CLASP2: variants seen among roughly 807,000 people sequenced by gnomAD.
CLASP2 encodes CLIP-associating protein 2.
A neutral mutation model predicts 194.4 loss-of-function variants in CLASP2; 47 were observed. That is an observed-to-expected ratio of 0.24 (90% confidence interval 0.19 to 0.31). The LOEUF (loss-of-function observed/expected upper bound fraction) is 0.31. CLASP2 is among the 10% of genes least tolerant of loss of function. The pLI is 1.00. For synonymous variants in CLASP2, 619 were observed against 633.5 expected, an observed-to-expected ratio of 0.98 and a Z score of 0.34; for missense variants, 1,445 against 1,823.6, an observed-to-expected ratio of 0.79 and a Z score of 3.78.
In CLASP2 at chr3:33,496,488, T is replaced by C. The variant is rs930416188; in HGVS notation, c.*2143A>G. 2.6e-5 allele frequency: 4 copies of C among 152,208 alleles called. No homozygotes were observed. The highest frequency in any genetic ancestry group is 4.8e-5 in the African/African-American group (2 of 41,466). 9.4% of individuals were successfully genotyped at this position (152,208 alleles called of 1,614,324 possible). A position where few individuals can be genotyped will look rare whatever the true frequency, so the allele number is the denominator to read the frequency against. On this transcript the variant is annotated 3_prime_UTR_variant, in exon 39 of 39. Transcript: ENST00000682230. ...GTCTTATCAACTGAGATTATAAAAT[T>C]GTAAACACAATTTTTCCATGTTTAC... is the stretch of plus-strand genomic sequence containing the variant.
chr3:33,686,101 T>C (rs957887098), intron 5 of CLASP2, among the ~76,000 whole-genome samples: 7 of 152,098 alleles, frequency 4.6e-5, no homozygotes, highest in East Asian at 3.9e-4. Context: ...CATTGTGAAA[T>C]AGCAACTGAA....
chr3:33,498,600 T>C lies in CLASP2; in HGVS notation c.*31A>G, dbSNP rs371081888. On this transcript the variant is annotated 3_prime_UTR_variant, in exon 39 of 39. Coordinates refer to ENST00000682230, the MANE Select transcript of CLASP2 (RefSeq NM_001365631.1). Reference sequence around the variant, plus strand: ...AGGGTGGTCTATCTGTCCTTTCTTTTGAGAGACCTGGTTCGCTGTGATGAG... The same window carrying C: ...AGGGTGGTCTATCTGTCCTTTCTTTCGAGAGACCTGGTTCGCTGTGATGAG... 1.3e-6 allele frequency: 2 copies of C among 1,481,890 alleles called. No individual in the cohort carries two copies. The highest frequency in any genetic ancestry group is 2.8e-5 in the African/African-American group (2 of 72,092). The allele number at this position is 1,481,890 out of a possible 1,614,324, so 91.8% of individuals were successfully genotyped here.
At chr3:33,692,524 T>C (rs902873674) in intron 2 of CLASP2, among the ~76,000 whole-genome samples, 1 of 152,208 alleles carries the variant, frequency 6.6e-6, no homozygotes, top group South Asian at 2.1e-4. Flanking sequence ...ACATACTACC[T>C]TGAAGTCAAA....
chr3:33,568,553 C>CAAAAAAAAACAAAAAAAAAAAA (rs2063171781), intron 26 of CLASP2, among the ~76,000 whole-genome samples: 1 of 56,844 alleles, frequency 1.8e-5, no homozygotes, highest in Non-Finnish European at 3.1e-5. Context: ...GATCTTGTCT[C>CAAAAAAAAACAAAAAAAAAAAA]AAAAAAAAAA....
At chr3:33,608,453 G>A in intron 14 of CLASP2, 114 bp downstream of exon 14, 2 of 821,086 alleles carry the variant, frequency 2.4e-6, no homozygotes, top group Non-Finnish European at 4.0e-6. Context: ...AGGAAAACCA[G>A]TACAAATAAC....
chr3:33,703,510 A>G (rs946626474), intron 1 of CLASP2, among the ~76,000 whole-genome samples: 4 of 152,220 alleles, frequency 2.6e-5, no homozygotes, highest in Non-Finnish European at 4.4e-5. Context: ...TGGGAATGCA[A>G]AACAGTACAG....
At chr3:33,645,927 CAT>C (rs1305834324) in intron 7 of CLASP2, among the ~76,000 whole-genome samples, 2 of 109,880 alleles carry the variant, frequency 1.8e-5, no homozygotes, top group Non-Finnish European at 3.7e-5. Context: ...CATCTCCCAG[CAT>C]ACACACACAC....
chr3:33,703,811 T>C (rs536388027), intron 1 of CLASP2, among the ~76,000 whole-genome samples: 1 of 152,216 alleles, frequency 6.6e-6, no homozygotes, highest in African/African-American at 2.4e-5. Context: ...AGCAACTTTA[T>C]TCACAGTTGG....
chr3:33,556,818 A>C (rs1467474268), intron 29 of CLASP2, among the ~76,000 whole-genome samples: 1 of 152,200 alleles, frequency 6.6e-6, no homozygotes, highest in Admixed American at 6.5e-5. Context: ...TTAGGCTTTT[A>C]GAGAAACAAT....
chr3:33,692,753 T>C (rs1242357273), intron 2 of CLASP2, among the ~76,000 whole-genome samples: 2 of 152,230 alleles, frequency 1.3e-5, no homozygotes, highest in Admixed American at 6.5e-5. Flanking sequence ...CAAATATTTA[T>C]TGGGTATCCA....
At chr3:33,562,394 C>CAA (rs1313126350) in intron 27 of CLASP2, among the ~76,000 whole-genome samples, 3 of 152,292 alleles carry the variant, frequency 2.0e-5, no homozygotes, top group East Asian at 1.9e-4. Context: ...CTTCACTAGA[C>CAA]ATAGTCTATG....
chr3:33,602,714 A>G, intron 18 of CLASP2: 2 of 684,818 alleles, frequency 2.9e-6, no homozygotes, highest in Admixed American at 4.3e-5. Context: ...AAAATTCTAC[A>G]GGCAATCATG....
chr3:33,677,893 T>C (rs992840365), intron 6 of CLASP2, among the ~76,000 whole-genome samples: 3 of 86,858 alleles, frequency 3.5e-5, no homozygotes, highest in African/African-American at 9.0e-5. Flanking sequence ...AAAAAGTAGA[T>C]AGGTAAGAAG....
intron 8 of CLASP2, among the ~76,000 whole-genome samples, chr3:33,634,817 C>A (rs960952979): frequency 1.3e-5 from 2 of 152,074 alleles, no homozygotes; most frequent in Non-Finnish European, 2.9e-5. Context: ...ATAGTAAAAT[C>A]ATTCAAAATT....
At chr3:33,548,444 C>A (rs551875665) in intron 30 of CLASP2, among the ~76,000 whole-genome samples, 1 of 151,880 alleles carries the variant, frequency 6.6e-6, no homozygotes, top group Non-Finnish European at 1.5e-5. Flanking sequence ...ACTGCAGGTG[C>A]GTGCCACCAC....
chr3:33,713,745 C>T (rs1352182861), intron 1 of CLASP2, among the ~76,000 whole-genome samples: 1 of 151,932 alleles, frequency 6.6e-6, no homozygotes, highest in Non-Finnish European at 1.5e-5. Context: ...GTACAGTGGC[C>T]CAATCACGGC....
In CLASP2 at chr3:33,556,628, G is replaced by T. The variant is rs183004843; in HGVS notation, c.3009+2679C>A. On this transcript the variant is annotated intron_variant, in intron 29 of 38. Coordinates refer to ENST00000682230, the MANE Select transcript of CLASP2 (RefSeq NM_001365631.1). ...CTTTTTGTATTTTTAGTAGAGACAT[G>T]GTTTCACCATGCTGGCCAGCCTGGT... Among the ~76,000 whole-genome samples the T allele has an allele frequency of 1.3e-3, 198 of 151,956 alleles. 2 individuals carry two copies. The highest frequency in any genetic ancestry group is 4.6e-3 in the African/African-American group (189 of 41,468).
chr3:33,571,761 C>T (rs1230808892), intron 25 of CLASP2, among the ~76,000 whole-genome samples: 2 of 152,012 alleles, frequency 1.3e-5, no homozygotes, highest in Non-Finnish European at 2.9e-5. Flanking sequence ...AATGATTGTG[C>T]CACTGCACTC....
intron 19 of CLASP2, among the ~76,000 whole-genome samples, chr3:33,595,706 A>G (rs1366181065): frequency 1.3e-5 from 2 of 152,040 alleles, no homozygotes; most frequent in Admixed American, 1.3e-4. Context: ...CCCAAACAGG[A>G]AAATATTTTG....
Sources: gnomAD v4.1 joint callset for allele counts (sites outside exome capture counted in the v4.1 genomes callset) on GRCh38, gnomAD v4.1.1 for gene constraint, MANE v1.5 for transcripts, NCBI Gene and HGNC (gene_info 2026-07-23, HGNC 2026-07-21) for gene names.